Variants in PIGG observed in about 807,000 individuals in gnomAD.
PIGG encodes the protein GPI ethanolamine phosphate transferase 2, catalytic subunit.
In PIGG, 70 loss-of-function variants were observed where a neutral mutation model predicts 83.2. The observed-to-expected ratio is 0.84, with a 90% CI of 0.69 to 1.03. The LOEUF (loss-of-function observed/expected upper bound fraction) is 1.03, where lower values mean the gene tolerates loss of function less well. Ranked by LOEUF, PIGG falls within the 50% of genes least tolerant of loss-of-function variation. PIGG has a pLI of 0.00. For missense variants in PIGG, 1,257 were observed against 1,233.6 expected (o/e 1.02, Z -0.28); for synonymous variants, 532 against 519.5 (o/e 1.02, Z -0.33).
chr4:523,790 G>A lies in PIGG; in HGVS notation c.1946G>A (p.Arg649His), dbSNP rs753271836. The A allele has an allele frequency of 9.3e-6, 15 of 1,613,652 alleles. No individual in the cohort carries two copies. Among genetic ancestry groups the A allele is most frequent in the South Asian group, 2.2e-5 (2 of 91,082 alleles). ...SPSTSEVLRGREKWMVLASPW... is the reference protein window; with the variant it reads ...SPSTSEVLRGHEKWMVLASPW... ...TCTACCTCCGAAGTGCTCAGAGGCC[G>A]CGAGAAGTGGATGGTGCTGGCCAGT... Residue 649 changes from arginine (R) to histidine (H), a missense_variant, in exon 9 of 13, where the codon CGC (arginine) becomes CAC (histidine). Arg to His is a conservative substitution (Grantham distance 29, BLOSUM62 0). Transcript: ENST00000453061.
chr4:512,581 C>T (rs1220105832), intron 5 of PIGG, among the ~76,000 whole-genome samples: 3 of 151,916 alleles, frequency 2.0e-5, no homozygotes, highest in Non-Finnish European at 2.9e-5. Flanking sequence ...CTTTGGGAGG[C>T]CAAGGCGGGT....
intron 6 of PIGG, among the ~76,000 whole-genome samples, chr4:516,977 G>T (rs1209142293): frequency 6.6e-6 from 1 of 152,142 alleles, no homozygotes; most frequent in East Asian, 1.9e-4. Context: ...TACAGGCTGT[G>T]GGGGCAGCAG....
At chr4:503,126 C>T (rs956673930) in intron 2 of PIGG, among the ~76,000 whole-genome samples, 1 of 152,120 alleles carries the variant, frequency 6.6e-6, no homozygotes, top group African/African-American at 2.4e-5. Context: ...ATCTCTACCC[C>T]GCACAAGAAA....
At position 516,093 on chromosome 4, in the gene PIGG, G is replaced by T. The variant is rs1257273407; in HGVS notation, c.1022G>T (p.Gly341Val). 1 of 1,613,778 alleles carries T rather than the reference G, an allele frequency of 6.2e-7. No individual in the cohort carries two copies. The highest frequency in any genetic ancestry group is 1.1e-5 in the South Asian group (1 of 91,068). Residue 341 changes from glycine (G) to valine (V), a missense_variant, in exon 6 of 13, where the codon GGA (glycine) becomes GTA (valine). Transcript: ENST00000453061. ...AGCCTCCTATTCCCAGTTGTGGAAG[G>T]AAGACCAATGAGAGAGCAGTTGAGA... ...VGSLLFPVVEGRPMREQLRFL... is the reference protein window; with the variant it reads ...VGSLLFPVVEVRPMREQLRFL...
chr4:509,634 C>T (rs1177570338), intron 5 of PIGG, among the ~76,000 whole-genome samples: 1 of 152,256 alleles, frequency 6.6e-6, no homozygotes, highest in South Asian at 2.1e-4. Context: ...ACTGACCCTT[C>T]AGCACCCTTA....
chr4:503,843 T>TACACAC (rs1491130380), intron 2 of PIGG, among the ~76,000 whole-genome samples: 1 of 93,826 alleles, frequency 1.1e-5, no homozygotes, highest in African/African-American at 4.3e-5. Flanking sequence ...TTTGTGATTT[T>TACACAC]ATACACACAC....
At chr4:524,190 T>C (rs1726910999) in intron 9 of PIGG, among the ~76,000 whole-genome samples, 1 of 152,216 alleles carries the variant, frequency 6.6e-6, no homozygotes, top group Non-Finnish European at 1.5e-5. Context: ...GTTTCAGTGA[T>C]CATTATATAG....
chr4:526,495 G>C (rs541912047), intron 9 of PIGG, among the ~76,000 whole-genome samples: 1 of 152,264 alleles, frequency 6.6e-6, no homozygotes, highest in African/African-American at 2.4e-5. Flanking sequence ...GGTGACAGCA[G>C]ACCCTGTGAG....
At chr4:501,448 A>G in intron 2 of PIGG, 2 of 304,994 alleles carry the variant, frequency 6.6e-6, no homozygotes, top group Non-Finnish European at 1.3e-5. Flanking sequence ...AAAGGTGGGG[A>G]CAGAAAGGAG....
chr4:515,823 A>G lies in PIGG; in HGVS notation c.902-150A>G. On this transcript the variant is annotated intron_variant, in intron 5 of 12. Coordinates refer to ENST00000453061, the MANE Select transcript of PIGG (RefSeq NM_001127178.3). The surrounding 1 kb of genome is among the most constrained non-coding windows in gnomAD (Gnocchi z 4.2). ...TTCGGTAACTATCAACACAGCAAGC[A>G]CAGGAGGTGATTCCTGTACGATTCT... The G allele has an allele frequency of 1.5e-6, 1 of 660,304 alleles. No individual in the cohort carries two copies. The highest frequency in any genetic ancestry group is 2.5e-5 in the Admixed American group (1 of 40,406). The allele number at this position is 660,304 out of a possible 1,614,324, so 40.9% of individuals were successfully genotyped here.
intron 10 of PIGG, among the ~76,000 whole-genome samples, chr4:529,948 A>T (rs990648382): frequency 1.3e-5 from 2 of 152,236 alleles, no homozygotes; most frequent in Admixed American, 6.5e-5. Context: ...GTGAATGTGC[A>T]GGTGCTTATT....
Position 530,493 on chromosome 4 carries a change from C to T in PIGG, c.2319C>T (p.Gly773=), listed in dbSNP as rs1205464215. 1 of 1,613,496 alleles carries T rather than the reference C, an allele frequency of 6.2e-7. No homozygotes were observed. The highest frequency in any genetic ancestry group is 1.7e-5 in the Admixed American group (1 of 60,024). Residue 773 remains glycine, a synonymous_variant, in exon 11 of 13, where the codon GGC becomes GGT. Transcript: ENST00000453061. The stretch of plus-strand genomic sequence containing the variant: ...TTGTCCTTGGCATTCTGTTCACGGG[C>T]ACCAAAGACTTACTTAAATCTCAAG... ...YVFVLGILFT[G]TKDLLKSQVI...
chr4:538,789 A>G (rs1486860323), intron 12 of PIGG, among the ~76,000 whole-genome samples: 1 of 152,188 alleles, frequency 6.6e-6, no homozygotes, highest in African/African-American at 2.4e-5. Flanking sequence ...AAGTTTCAGA[A>G]GCATTTCTGG....
intron 2 of PIGG, chr4:501,087 A>C: frequency 4.4e-6 from 2 of 456,342 alleles, no homozygotes; most frequent in South Asian, 3.1e-5. Context: ...CACTGTTTCC[A>C]CCATATCCTT....
At chr4:527,643 T>C (rs1176635434) in intron 10 of PIGG, 6 of 990,620 alleles carry the variant, frequency 6.1e-6, no homozygotes, top group Non-Finnish European at 7.2e-6. Flanking sequence ...TGAGTGGATG[T>C]TTCCCAGCAG....
chr4:506,238 G>A (rs1472035311), intron 3 of PIGG, among the ~76,000 whole-genome samples: 2 of 152,198 alleles, frequency 1.3e-5, no homozygotes, highest in African/African-American at 4.8e-5. Context: ...TATGATGGGT[G>A]AGTGGGGACT....
At position 522,051 on chromosome 4, in the gene PIGG, G is replaced by A; in HGVS notation, c.1614+110G>A. ...GACTCTGGTTGAACACCTGGTGTGT[G>A]CCACGTGCTGGCAGTGCCCTGGACA... On this transcript the variant is annotated intron_variant, in intron 8 of 12. Coordinates refer to ENST00000453061, the MANE Select transcript of PIGG (RefSeq NM_001127178.3). 2.5e-6 allele frequency: 3 copies of A among 1,201,666 alleles called. No homozygotes were observed. The South Asian group carries it at 3.7e-5, about 15-fold the overall frequency. 74.4% of individuals were successfully genotyped at this position (1,201,666 alleles called of 1,614,324 possible). A position where few individuals can be genotyped will look rare whatever the true frequency, so the allele number is the denominator to read the frequency against.
chr4:508,775 G>A (rs2108814305), intron 4 of PIGG, 54 bp from the exon 5 acceptor site: 1 of 1,547,810 alleles, frequency 6.5e-7, no homozygotes, highest in East Asian at 2.3e-5. Context: ...TTCTTAAGAT[G>A]ATGTGCTCTC....
chr4:535,397 T>G (rs533598485), intron 12 of PIGG, among the ~76,000 whole-genome samples: 1 of 102,708 alleles, frequency 9.7e-6, no homozygotes, highest in Admixed American at 8.5e-5. Flanking sequence ...GCAGCGCCTA[T>G]GCATTTCTGC....
Sources: gnomAD v4.1 joint callset for allele counts (sites outside exome capture counted in the v4.1 genomes callset) on GRCh38, gnomAD v4.1.1 for gene constraint, Gnocchi (gnomAD v3.1) non-coding constraint, MANE v1.5 for transcripts, NCBI Gene and HGNC (gene_info 2026-07-23, HGNC 2026-07-21) for gene names.